Variants in ITSN1 observed in about 807,000 individuals in gnomAD.
ITSN1 encodes the protein intersectin 1.
Under a neutral mutation model 239.8 loss-of-function variants are expected in ITSN1, and 58 were observed. The ratio of observed to expected loss-of-function variants is 0.24; its 90% confidence interval spans 0.20 to 0.30. The LOEUF (loss-of-function observed/expected upper bound fraction) is 0.30, where lower values mean the gene tolerates loss of function less well. Among genes scored for constraint, ITSN1 ranks in the 10% least tolerant of loss-of-function variants. The probability of loss-of-function intolerance (pLI) is 1.00; values close to 1 mark genes in which losing one functional copy is unlikely to be tolerated. For missense variants in ITSN1, 1,558 were observed against 2,103.3 expected (o/e 0.74, Z 5.07); for synonymous variants, 780 against 770.8 (o/e 1.01, Z -0.20).
chr21:33,883,648 C>A lies in ITSN1; in HGVS notation c.4653C>A (p.Leu1551=). The part of the protein sequence containing the change: ...HISHIDRVYT[L]RAESINERTA... The stretch of plus-strand genomic sequence containing the variant: ...CCCACATTGACCGCGTCTATACTCT[C>A]CGAGCAGAAAGCATAAATGAAAGGT... Residue 1551 remains leucine (L), a synonymous_variant, in exon 36 of 40, where the codon CTC becomes CTA. Transcript: ENST00000381318. The A allele has an allele frequency of 6.2e-7, 1 of 1,613,654 alleles. No individual in the cohort carries two copies. Among genetic ancestry groups the A allele is most frequent in the Non-Finnish European group, 8.5e-7 (1 of 1,179,674 alleles).
intron 39 of ITSN1, 134 bp from the exon 40 acceptor site, chr21:33,888,018 G>T: frequency 2.5e-6 from 2 of 805,282 alleles, no homozygotes; most frequent in Non-Finnish European, 3.9e-6. Context: ...GGAAATCCTA[G>T]TGTTGGTTTA....
intron 1 of ITSN1, among the ~76,000 whole-genome samples, chr21:33,683,254 A>G (rs2091066911): frequency 6.6e-6 from 1 of 151,644 alleles, no homozygotes; most frequent in Admixed American, 6.6e-5. Context: ...TTGTGCAGTC[A>G]TTTCAATGAT....
chr21:33,750,019 C>G, intron 5 of ITSN1, 124 bp from the exon 6 acceptor site: 1 of 878,666 alleles, frequency 1.1e-6, no homozygotes, highest in South Asian at 1.5e-5. Context: ...AACTTGAAGC[C>G]CTATTTTAAT....
chr21:33,842,422 C>T (rs199675503), intron 29 of ITSN1, among the ~76,000 whole-genome samples: 15 of 151,996 alleles, frequency 9.9e-5, no homozygotes, highest in African/African-American at 1.7e-4. Context: ...ATATAGTGTC[C>T]GTGCAACTTA....
rs746339882 is a variant in ITSN1 at position 33,865,357 on chromosome 21, G to T, written c.4074+23G>T. The T allele has an allele frequency of 3.3e-6, 5 of 1,505,690 alleles. No homozygotes were observed. Among genetic ancestry groups the T allele is most frequent in the South Asian group, 1.3e-5 (1 of 77,356 alleles). 93.3% of individuals were successfully genotyped at this position (1,505,690 alleles called of 1,614,324 possible). A position where few individuals can be genotyped will look rare whatever the true frequency, so the allele number is the denominator to read the frequency against. ...AAAGTAAGGAGCCAGGCTGTGCAGA[G>T]ACTGGGCCCCAGAGTGGCGATCTTT... On this transcript the variant is annotated intron_variant, in intron 32 of 39. Transcript: ENST00000381318. This position sits in a 1 kb window ranked among gnomAD's most constrained non-coding sequence, Gnocchi z 4.4.
chr21:33,719,203 G>A (rs2065339835), intron 2 of ITSN1, among the ~76,000 whole-genome samples: 3 of 152,210 alleles, frequency 2.0e-5, no homozygotes, highest in African/African-American at 7.2e-5. Context: ...CACTTTGGGA[G>A]GCCGAGGCTG....
intron 29 of ITSN1, among the ~76,000 whole-genome samples, chr21:33,842,283 A>G (rs1295239518): frequency 1.3e-5 from 2 of 152,182 alleles, no homozygotes; most frequent in African/African-American, 4.8e-5. Flanking sequence ...ATTCCATTTC[A>G]GAGGGCTCCA....
chr21:33,844,700 C>G (rs1051307698), intron 29 of ITSN1, among the ~76,000 whole-genome samples: 1 of 152,042 alleles, frequency 6.6e-6, no homozygotes, highest in South Asian at 2.1e-4. Flanking sequence ...GTTAGGCCCC[C>G]CAGGAGAGCG....
chr21:33,722,783 A>G, intron 4 of ITSN1, 132 bp downstream of exon 4: 5 of 847,078 alleles, frequency 5.9e-6, no homozygotes, highest in Middle Eastern at 3.6e-4. Context: ...ATATCTTGTT[A>G]CTTCTTACCA....
rs182990199 is a variant in ITSN1 at position 33,861,762 on chromosome 21, C to T, written c.3890+2970C>T. On this transcript the variant is annotated intron_variant, in intron 31 of 39. Coordinates refer to ENST00000381318, the MANE Select transcript of ITSN1 (RefSeq NM_003024.3). ...GAGATTGAGACCATCCTGGATAACA[C>T]GGTGAAACCCCACATCTACTAAAAA... 1.8e-3 allele frequency among the ~76,000 whole-genome samples: 277 copies of T among 151,916 alleles called. 6 individuals carry two copies. The highest frequency in any genetic ancestry group is 4.9e-4 in the Non-Finnish European group (33 of 67,960).
chr21:33,702,152 G>A (rs1479076852), intron 1 of ITSN1, among the ~76,000 whole-genome samples: 5 of 148,514 alleles, frequency 3.4e-5, no homozygotes, highest in East Asian at 2.0e-4. Context: ...GTCTTGCTCC[G>A]TTGCTCAGGC....
chr21:33,758,199 C>T (rs1204522829), intron 8 of ITSN1, among the ~76,000 whole-genome samples: 1 of 152,178 alleles, frequency 6.6e-6, no homozygotes, highest in Non-Finnish European at 1.5e-5. Flanking sequence ...TCATGGTTCA[C>T]TGCTGCCTGG....
chr21:33,652,539 T>C (rs533271611), intron 1 of ITSN1, among the ~76,000 whole-genome samples: 18 of 152,262 alleles, frequency 1.2e-4, no homozygotes, highest in African/African-American at 4.3e-4. Context: ...GTCTTTTTGC[T>C]TTTTAATAAA....
intron 31 of ITSN1, 34 bp downstream of exon 31, chr21:33,858,826 GCCT>G (rs1979876491): frequency 7.5e-7 from 1 of 1,330,832 alleles, no homozygotes; most frequent in Non-Finnish European, 1.1e-6. Flanking sequence ...GCCTGGCTTG[GCCT>G]CCTCGGCTCT....
intron 1 of ITSN1, among the ~76,000 whole-genome samples, chr21:33,666,193 A>C (rs1195754851): frequency 6.6e-6 from 1 of 152,180 alleles, no homozygotes; most frequent in Non-Finnish European, 1.5e-5. Context: ...GGACTTCCAA[A>C]GTGCTGGGAT....
intron 34 of ITSN1, among the ~76,000 whole-genome samples, chr21:33,880,732 G>A (rs567231875): frequency 2.6e-5 from 4 of 152,198 alleles, no homozygotes; most frequent in Non-Finnish European, 2.9e-5. Context: ...CATAGGGCTC[G>A]TAGCTCAGGA....
At chr21:33,751,754 TG>T (rs1342320505) in intron 6 of ITSN1, 55 bp from the exon 7 acceptor site, 2 of 1,336,068 alleles carry the variant, frequency 1.5e-6, no homozygotes, top group Non-Finnish European at 2.1e-6. Flanking sequence ...TTTTGTAAAT[TG>T]GGGAAAGTTT....
chr21:33,672,767 G>C (rs2090371541), intron 1 of ITSN1, among the ~76,000 whole-genome samples: 1 of 151,400 alleles, frequency 6.6e-6, no homozygotes, highest in Non-Finnish European at 1.5e-5. Context: ...GCTGGAGTGC[G>C]GTGGCGCAAA....
At chr21:33,794,263 G>C (rs2071366721) in intron 16 of ITSN1, 78 bp from the exon 17 acceptor site, 2 of 1,115,240 alleles carry the variant, frequency 1.8e-6, no homozygotes, top group Admixed American at 2.0e-5. Flanking sequence ...TTCCCACTAT[G>C]AAATGTTGCA....
Sources: gnomAD v4.1 joint callset for allele counts (sites outside exome capture counted in the v4.1 genomes callset) on GRCh38, gnomAD v4.1.1 for gene constraint, Gnocchi (gnomAD v3.1) non-coding constraint, MANE v1.5 for transcripts, NCBI Gene and HGNC (gene_info 2026-07-23, HGNC 2026-07-21) for gene names.